The following SLC38A6 variants were observed in gnomAD, a reference collection of about 807,000 sequenced individuals.
SLC38A6 encodes N system amino acid transporter NAT-1.
SLC38A6 carries 73 observed loss-of-function variants against 65.0 expected under a neutral mutation model. That is an observed-to-expected ratio of 1.12 (90% CI 0.93 to 1.37). The LOEUF (loss-of-function observed/expected upper bound fraction) is 1.37, where lower values mean the gene tolerates loss of function less well. Ranked by LOEUF, SLC38A6 falls within the 40% of genes most tolerant of loss-of-function variation. SLC38A6 has a pLI of 0.00. For synonymous variants in SLC38A6, 183 were observed against 178.8 expected (o/e 1.02, Z -0.19); for missense variants, 561 against 531.1 (o/e 1.06, Z -0.55).
chr14:61,030,353 C>A, intron 5 of SLC38A6, 92 bp from the exon 6 acceptor site: 1 of 854,770 alleles, frequency 1.2e-6, no homozygotes, highest in Non-Finnish European at 1.8e-6. Context: ...GTTGTCATAG[C>A]TCTAATGGAC....
intron 5 of SLC38A6, 107 bp downstream of exon 5, chr14:61,019,687 A>G (rs551353463): frequency 7.1e-6 from 8 of 1,133,368 alleles, no homozygotes; most frequent in Middle Eastern, 2.0e-4. Context: ...AGACATAGCT[A>G]TCTTCAGAAG....
At chr14:61,012,174 G>C (rs2039628793) in intron 3 of SLC38A6, among the ~76,000 whole-genome samples, 1 of 152,170 alleles carries the variant, frequency 6.6e-6, no homozygotes, top group Admixed American at 6.5e-5. Context: ...TTTGCATAGA[G>C]GTGTTTATAG....
intron 3 of SLC38A6, among the ~76,000 whole-genome samples, chr14:61,006,652 A>G (rs1205355771): frequency 1.3e-5 from 2 of 152,244 alleles, no homozygotes; most frequent in Non-Finnish European, 1.5e-5. Context: ...TTAGAATGGC[A>G]GTCATTAAAA....
chr14:61,011,542 T>G (rs1304383437), intron 3 of SLC38A6, among the ~76,000 whole-genome samples: 3 of 152,160 alleles, frequency 2.0e-5, no homozygotes, highest in African/African-American at 4.8e-5. Flanking sequence ...CTTATTATTT[T>G]GAGATACGTC....
At chr14:61,013,812 T>C (rs550156196) in intron 3 of SLC38A6, among the ~76,000 whole-genome samples, 109 of 152,220 alleles carry the variant, frequency 7.2e-4, no homozygotes, top group Non-Finnish European at 1.3e-3. Flanking sequence ...TGGCTGCCCT[T>C]AACATTTTTT....
intron 6 of SLC38A6, among the ~76,000 whole-genome samples, chr14:61,036,323 A>C (rs565907609): frequency 1.3e-5 from 2 of 152,200 alleles, no homozygotes; most frequent in Non-Finnish European, 2.9e-5. Flanking sequence ...TCTTTTTATA[A>C]AAGTCTTTGT....
intron 3 of SLC38A6, among the ~76,000 whole-genome samples, chr14:61,000,020 A>G (rs1027741523): frequency 6.6e-6 from 1 of 152,272 alleles, no homozygotes; most frequent in Non-Finnish European, 1.5e-5. Flanking sequence ...ATAACAATGA[A>G]ATAAAGAAGA....
At chr14:60,987,738 A>C (rs2037559589) in intron 3 of SLC38A6, 1 of 152,376 alleles carries the variant, frequency 6.6e-6, no homozygotes, top group Admixed American at 6.5e-5. Flanking sequence ...CTCTGATACT[A>C]AACCCACAGC....
intron 4 of SLC38A6, among the ~76,000 whole-genome samples, chr14:61,019,145 A>C (rs1245793564): frequency 6.6e-6 from 1 of 152,218 alleles, no homozygotes; most frequent in Non-Finnish European, 1.5e-5. Flanking sequence ...TAGGCAATAT[A>C]GCATTGGCAT....
intron 5 of SLC38A6, among the ~76,000 whole-genome samples, chr14:61,024,981 G>C (rs1184767075): frequency 6.6e-6 from 1 of 152,102 alleles, no homozygotes; most frequent in Admixed American, 6.6e-5. Context: ...TTCTTTAAAG[G>C]AGATTAAAAA....
intron 3 of SLC38A6, among the ~76,000 whole-genome samples, chr14:60,994,260 T>C (rs1252579563): frequency 6.6e-6 from 1 of 152,172 alleles, no homozygotes; most frequent in East Asian, 1.9e-4. Context: ...TAAGTAGAAA[T>C]GAGGTGCCGG....
intron 3 of SLC38A6, among the ~76,000 whole-genome samples, chr14:60,994,983 G>A (rs148795348): frequency 0.011 from 1,458 of 135,246 alleles, 13 homozygotes; most frequent in Non-Finnish European, 0.015. Context: ...CAGCCTGGGC[G>A]ACAGAGCAAG....
chr14:61,069,756 C>T (rs1431579448), intron 15 of SLC38A6, among the ~76,000 whole-genome samples: 1 of 151,958 alleles, frequency 6.6e-6, no homozygotes, highest in Non-Finnish European at 1.5e-5. Context: ...ATTTTGTATT[C>T]AGTTTTTGAG....
intron 3 of SLC38A6, among the ~76,000 whole-genome samples, chr14:60,999,369 G>C (rs1176942682): frequency 6.6e-6 from 1 of 152,192 alleles, no homozygotes; most frequent in Non-Finnish European, 1.5e-5. Context: ...ATGGAATAAA[G>C]AAGGAGTGAA....
At chr14:61,053,094 T>G (rs569932112), downstream of SLC38A6, 1 of 152,246 alleles carries the variant, frequency 6.6e-6, no homozygotes, top group South Asian at 2.1e-4. Context: ...GTTCTTACTA[T>G]TTAGCTCTCA....
At chr14:60,987,541 C>G (rs1008396442) in intron 3 of SLC38A6, 4 of 152,170 alleles carry the variant, frequency 2.6e-5, no homozygotes, top group Admixed American at 2.6e-4. Context: ...ATAACACTTC[C>G]TTCTTGGAAT....
intron 12 of SLC38A6, among the ~76,000 whole-genome samples, chr14:61,047,032 G>T (rs1361251618): frequency 6.6e-6 from 1 of 152,094 alleles, no homozygotes; most frequent in African/African-American, 2.4e-5. Context: ...GTGTCAATAA[G>T]ATACTGTAAC....
At chr14:60,997,792 T>C (rs2038400410) in intron 3 of SLC38A6, among the ~76,000 whole-genome samples, 1 of 152,214 alleles carries the variant, frequency 6.6e-6, no homozygotes, top group South Asian at 2.1e-4. Flanking sequence ...ATGTCTGGTG[T>C]ATCTCCCAGG....
At chr14:60,990,152 G>A (rs1462198266) in intron 3 of SLC38A6, among the ~76,000 whole-genome samples, 1 of 151,690 alleles carries the variant, frequency 6.6e-6, no homozygotes, top group African/African-American at 2.4e-5. Flanking sequence ...TGCCTCAGCC[G>A]TCTGAGTAGG....
Sources: gnomAD v4.1 joint callset for allele counts (sites outside exome capture counted in the v4.1 genomes callset) on GRCh38, gnomAD v4.1.1 for gene constraint, MANE v1.5 for transcripts, NCBI Gene and HGNC (gene_info 2026-07-23, HGNC 2026-07-21) for gene names.